Variants in C3orf62 observed in about 807,000 individuals in gnomAD.
C3orf62 encodes the protein chromosome 3 open reading frame 62, also known as uncharacterized protein C3orf62.
A neutral mutation model predicts 21.7 loss-of-function variants in C3orf62; 16 were observed. That is an observed-to-expected ratio of 0.74 (90% CI 0.50 to 1.12). The LOEUF is 1.12. Among genes scored for constraint, C3orf62 ranks in the 50% most tolerant of loss-of-function variants. The pLI, the probability that C3orf62 is intolerant of heterozygous loss-of-function variation, is 0.00. For synonymous variants in C3orf62, 114 were observed against 117.0 expected (o/e 0.97, Z 0.17); for missense variants, 310 against 318.8 (o/e 0.97, Z 0.21).
In C3orf62 at chr3:49,276,673, C is replaced by T; in HGVS notation, c.200G>A (p.Arg67Lys). The change falls in exon 1 of 3, where the codon AGA becomes AAA. Residue 67 changes from arginine (R) to lysine (K), a missense_variant. Transcript: ENST00000343010. ...SLPVHRLLCR[R>K]HPLAACSSAA... ...AGAAGAGCAGGCTGCCAGAGGATGT[C>T]TTCTGCAGAGGAGCCTGTGCACGGG... 6.2e-7 allele frequency: 1 copy of T among 1,614,202 alleles called. No individual in the cohort carries two copies. The highest frequency in any genetic ancestry group is 8.5e-7 in the Non-Finnish European group (1 of 1,180,042).
In C3orf62 at chr3:49,276,983, C is replaced by G; in HGVS notation, c.-111G>C. On this transcript the variant is annotated 5_prime_UTR_variant, in exon 1 of 3. Transcript: ENST00000343010. ...TGGCTATAGCAGGACCCACAACCCT[C>G]GGGCTTTCCTCCTGGAGTAGGCGGT... The G allele has an allele frequency of 1.3e-6, 2 of 1,483,042 alleles. No individual in the cohort carries two copies. The highest frequency in any genetic ancestry group is 2.4e-5 in the East Asian group (1 of 41,608). 91.9% of individuals were successfully genotyped at this position (1,483,042 alleles called of 1,614,324 possible). A position where few individuals can be genotyped will look rare whatever the true frequency, so the allele number is the denominator to read the frequency against.
At chr3:49,274,179 T>G (rs560935620) in intron 1 of C3orf62, 39 bp from the exon 2 acceptor site, 1 of 1,467,390 alleles carries the variant, frequency 6.8e-7, no homozygotes, top group South Asian at 1.1e-5. Context: ...AGGTGGGGAA[T>G]TAGATTCTCT....
chr3:49,275,294 A>G (rs1258589660), intron 1 of C3orf62, among the ~76,000 whole-genome samples: 1 of 149,860 alleles, frequency 6.7e-6, no homozygotes, highest in Non-Finnish European at 1.5e-5. Flanking sequence ...TTGTATTTTT[A>G]GTGGAGACGG....
At chr3:49,275,521 T>TG (rs2046948050) in intron 1 of C3orf62, among the ~76,000 whole-genome samples, 2 of 78,266 alleles carry the variant, frequency 2.6e-5, no homozygotes, top group African/African-American at 5.2e-5. Flanking sequence ...ACTTTGAAGT[T>TG]TTTTTTTTTT....
Position 49,271,249 on chromosome 3 carries a change from A to C in C3orf62, c.735T>G (p.Ile245Met). 6.2e-7 allele frequency: 1 copy of C among 1,614,152 alleles called. No homozygotes were observed. Among genetic ancestry groups the C allele is most frequent in the South Asian group, 1.1e-5 (1 of 91,088 alleles). ...CTTCCAAGTCCAGAACAGTCTCAAC[A>C]ATATTATGATCATCAAAAGCCTGTT... ...SLKQAFDDHNIVETVLDLEED... is the reference protein window; with the variant it reads ...SLKQAFDDHNMVETVLDLEED... The change falls in exon 3 of 3, where the codon ATT becomes ATG. Residue 245 changes from isoleucine (I) to methionine (M), a missense_variant. Ile to Met is a conservative substitution (Grantham distance 10). Coordinates refer to ENST00000343010, the MANE Select transcript of C3orf62 (RefSeq NM_198562.3).
rs2107759326 is a variant in C3orf62, at chr3:49,277,006, G to A, written c.-134C>T. 1.4e-6 allele frequency: 2 copies of A among 1,463,328 alleles called. No individual in the cohort carries two copies. The highest frequency in any genetic ancestry group is 1.8e-6 in the Non-Finnish European group (2 of 1,110,632). 90.6% of individuals were successfully genotyped at this position (1,463,328 alleles called of 1,614,324 possible). On this transcript the variant is annotated 5_prime_UTR_variant, in exon 1 of 3. Transcript: ENST00000343010. ...CTCGGGCTTTCCTCCTGGAGTAGGCGGTTCTCGGCTCTCGCGGAGGAACCC... is the reference window on the plus strand; with the variant it reads ...CTCGGGCTTTCCTCCTGGAGTAGGCAGTTCTCGGCTCTCGCGGAGGAACCC...
chr3:49,275,604 C>G (rs1338596454), intron 1 of C3orf62, among the ~76,000 whole-genome samples: 1 of 132,552 alleles, frequency 7.5e-6, no homozygotes, highest in African/African-American at 2.8e-5. Context: ...GATCTCGGCT[C>G]ACTGCAAGCT....
Position 49,271,131 on chromosome 3 carries a change from C to G in C3orf62, c.*49G>C. Reference sequence around the variant, plus strand: ...GCCATTGTAGCTGCTTCTGCTCAGGCTCAAGGGCAGCCTCCTGCTGTAAGG... The same window carrying G: ...GCCATTGTAGCTGCTTCTGCTCAGGGTCAAGGGCAGCCTCCTGCTGTAAGG... On this transcript the variant is annotated 3_prime_UTR_variant, in exon 3 of 3. Coordinates refer to ENST00000343010, the MANE Select transcript of C3orf62 (RefSeq NM_198562.3). 6.3e-7 allele frequency: 1 copy of G among 1,579,090 alleles called. No individual in the cohort carries two copies. The highest frequency in any genetic ancestry group is 8.6e-7 in the Non-Finnish European group (1 of 1,158,034).
intron 2 of C3orf62, among the ~76,000 whole-genome samples, chr3:49,272,946 T>C (rs1040604356): frequency 1.3e-5 from 2 of 152,186 alleles, no homozygotes; most frequent in Non-Finnish European, 2.9e-5. Flanking sequence ...TCAATCACCA[T>C]GTCCTAGTGG....
Position 49,276,538 on chromosome 3 carries a change from T to C in C3orf62, c.335A>G (p.Lys112Arg), listed in dbSNP as rs371985674. 2.4e-5 allele frequency: 39 copies of C among 1,614,092 alleles called. No homozygotes were observed. The highest frequency in any genetic ancestry group is 2.9e-5 in the Non-Finnish European group (34 of 1,180,042). ...AKPHALCPER[K>R]PLTSKENVLM... Reference sequence around the variant, plus strand: ...TACATTTTCCTTGCTGGTTAGAGGTTTTCTCTCGGGGCACAGAGCATGTGG... The same window carrying C: ...TACATTTTCCTTGCTGGTTAGAGGTCTTCTCTCGGGGCACAGAGCATGTGG... Residue 112 changes from lysine to arginine, a missense_variant, in exon 1 of 3, where the codon AAA (lysine) becomes AGA (arginine). Lys to Arg is a conservative substitution (Grantham distance 26). Coordinates refer to ENST00000343010, the MANE Select transcript of C3orf62 (RefSeq NM_198562.3).
chr3:49,276,287 T>A, intron 1 of C3orf62, 140 bp downstream of exon 1: 1 of 752,528 alleles, frequency 1.3e-6, no homozygotes, highest in East Asian at 2.6e-5. Flanking sequence ...AGAATGTCTG[T>A]CAACTCCCCA....
intron 1 of C3orf62, among the ~76,000 whole-genome samples, chr3:49,275,969 A>C (rs2046955546): frequency 6.6e-6 from 1 of 152,138 alleles, no homozygotes; most frequent in South Asian, 2.1e-4. Context: ...AGCGGGGAGC[A>C]GAGGCAAAGA....
chr3:49,276,895 A>G lies in C3orf62; in HGVS notation c.-23T>C, dbSNP rs111768490. 2,383 of 1,586,730 alleles carry G rather than the reference A, an allele frequency of 1.5e-3. 33 individuals carry two copies. The African/African-American group carries it at 0.029, about 19-fold the overall frequency. On this transcript the variant is annotated 5_prime_UTR_variant, in exon 1 of 3. Transcript: ENST00000343010. ...CATTGGAAATGCACAGGACAACACA[A>G]TAATGTTACAAATGAGGCTGCAAAC... is the stretch of plus-strand genomic sequence containing the variant.
intron 2 of C3orf62, among the ~76,000 whole-genome samples, chr3:49,271,708 T>A (rs959608627): frequency 4.0e-5 from 6 of 151,770 alleles, no homozygotes; most frequent in African/African-American, 1.2e-4. Flanking sequence ...GAAATGTACA[T>A]GGTTGTCCTG....
Position 49,270,253 on chromosome 3 carries a change from A to G in C3orf62, c.*927T>C, listed in dbSNP as rs1435757220. 3.3e-5 allele frequency: 5 copies of G among 152,142 alleles called. No individual in the cohort carries two copies. The highest frequency in any genetic ancestry group is 3.3e-4 in the Admixed American group (5 of 15,262). 9.4% of individuals were successfully genotyped at this position (152,142 alleles called of 1,614,324 possible). A position where few individuals can be genotyped will look rare whatever the true frequency, so the allele number is the denominator to read the frequency against. On this transcript the variant is annotated 3_prime_UTR_variant, in exon 3 of 3. Coordinates refer to ENST00000343010, the MANE Select transcript of C3orf62 (RefSeq NM_198562.3). ...CACTTGGTCTTTAAAAACAATCAAAACAAAAAACAGCCTTTTGCCAGCTCT... is the reference window on the plus strand; with the variant it reads ...CACTTGGTCTTTAAAAACAATCAAAGCAAAAAACAGCCTTTTGCCAGCTCT...
Position 49,271,197 on chromosome 3 carries a change from T to TA in C3orf62, c.786dup (p.Lys263Ter), listed in dbSNP as rs770152175. 155 of 1,612,648 alleles carry TA rather than the reference T, an allele frequency of 9.6e-5. No homozygotes were observed. The highest frequency in any genetic ancestry group is 1.2e-4 in the Non-Finnish European group (145 of 1,178,888). On this transcript the variant is annotated frameshift_variant, in exon 3 of 3. Transcript: ENST00000343010. LOFTEE classifies it high-confidence loss of function. Reference sequence around the variant, plus strand: ...AACTGTCCTTACTCAATTTGGTATTTAAAAGACGTCATCACATTGTAGTCC... The same window carrying TA: ...AACTGTCCTTACTCAATTTGGTATTTAAAAAGACGTCATCACATTGTAGTCC...
rs570774709 is a variant in C3orf62 at position 49,277,150 on chromosome 3, CCT to C, written c.-280_-279del. The C allele has an allele frequency of 2.3e-5, 33 of 1,438,146 alleles. No homozygotes were observed. The African/African-American group carries it at 3.4e-4, about 15-fold the overall frequency. The allele number at this position is 1,438,146 out of a possible 1,614,324, so 89.1% of individuals were successfully genotyped here. On this transcript the variant is annotated 5_prime_UTR_variant, in exon 1 of 3. It introduces an in-frame stop codon into an upstream open reading frame of the 5' UTR. Transcript: ENST00000343010. ...GGCCGCTGGCCCTACCGGCACCCCC[CCT>C]TTGGCGAGTCGGCAGCCACGTCCTT... is the stretch of plus-strand genomic sequence containing the variant.
intron 1 of C3orf62, among the ~76,000 whole-genome samples, chr3:49,275,054 A>G (rs1340921357): frequency 6.6e-6 from 1 of 151,938 alleles, no homozygotes; most frequent in East Asian, 1.9e-4. Context: ...TCCTGACCTC[A>G]GGTGATTCAT....
rs1204507619 is a variant in C3orf62 at position 49,270,222 on chromosome 3, A to C, written c.*958T>G. On this transcript the variant is annotated 3_prime_UTR_variant, in exon 3 of 3. Transcript: ENST00000343010. ...CCACTCCTTCCCCACTTCTTATACT[A>C]TACTTCACTTGGTCTTTAAAAACAA... The C allele has an allele frequency of 6.6e-6, 1 of 152,236 alleles. No homozygotes were observed. Among genetic ancestry groups the C allele is most frequent in the Non-Finnish European group, 1.5e-5 (1 of 68,100 alleles). The allele number at this position is 152,236 out of a possible 1,614,324, so 9.4% of individuals were successfully genotyped here. A position where few individuals can be genotyped will look rare whatever the true frequency, so the allele number is the denominator to read the frequency against.
Sources: gnomAD v4.1 joint callset for allele counts (sites outside exome capture counted in the v4.1 genomes callset) on GRCh38, gnomAD v4.1.1 for gene constraint, MANE v1.5 for transcripts, NCBI Gene and HGNC (gene_info 2026-07-23, HGNC 2026-07-21) for gene names.